Variants in FBN2 observed in about 807,000 individuals in gnomAD.
The protein encoded by FBN2 is fibrillin-2.
In FBN2, 105 loss-of-function variants were observed where a neutral mutation model predicts 355.6. The observed-to-expected ratio is 0.30, with a 90% CI of 0.25 to 0.35. The LOEUF is 0.35. Among genes scored for constraint, FBN2 ranks in the 10% least tolerant of loss-of-function variants. The pLI is 1.00. For synonymous variants in FBN2, 1,350 were observed against 1,301.2 expected (o/e 1.04, Z -0.81); for missense variants, 3,280 against 3,758.7 (o/e 0.87, Z 3.33).
intron 6 of FBN2, among the ~76,000 whole-genome samples, chr5:128,453,998 C>CA (rs1173557067): frequency 2.6e-5 from 4 of 151,432 alleles, no homozygotes; most frequent in Non-Finnish European, 5.9e-5. Context: ...TTGCCCCCCC[C>CA]CCAAGTTTCT....
rs1581249148 is a variant in FBN2, at chr5:128,374,669, G to A, written c.2054C>T (p.Pro685Leu). Reference protein sequence around the residue: ...NSEGSFRCDCPPGLAVGMDGR... With the variant: ...NSEGSFRCDCLPGLAVGMDGR... ...ATCCATGCCCACAGCCAGGCCTGGG[G>A]GACAGTCACAGCGGAAGGACCCTTC... Residue 685 changes from proline to leucine, a missense_variant, in exon 15 of 65, where the codon CCC becomes CTC. Physicochemically the swap from Pro to Leu is moderately conservative, Grantham distance 98. This residue lies in a region of FBN2 where 2,284 missense variants were observed against 2,749.5 expected (regional missense o/e 0.83). Coordinates refer to ENST00000262464, the MANE Select transcript of FBN2 (RefSeq NM_001999.4). The A allele has an allele frequency of 1.9e-6, 3 of 1,613,924 alleles. No individual in the cohort carries two copies. The highest frequency in any genetic ancestry group is 1.1e-5 in the South Asian group (1 of 91,082).
intron 6 of FBN2, among the ~76,000 whole-genome samples, chr5:128,456,303 C>G (rs1254538646): frequency 6.6e-6 from 1 of 152,100 alleles, no homozygotes; most frequent in Non-Finnish European, 1.5e-5. Flanking sequence ...TCTCCCTGGG[C>G]CTGAGCCCCT....
chr5:128,317,710 ACTT>A (rs1183710788), intron 36 of FBN2, among the ~76,000 whole-genome samples: 5 of 151,968 alleles, frequency 3.3e-5, no homozygotes, highest in Non-Finnish European at 7.4e-5. Flanking sequence ...TCACCTTCCA[ACTT>A]CTTCTGCTCC....
intron 5 of FBN2, among the ~76,000 whole-genome samples, chr5:128,514,152 A>G (rs952552519): frequency 6.6e-6 from 1 of 152,146 alleles, no homozygotes; most frequent in Non-Finnish European, 1.5e-5. Flanking sequence ...AAAGGGAGAC[A>G]TTTTATTTCT....
intron 4 of FBN2, among the ~76,000 whole-genome samples, chr5:128,527,493 G>C (rs977126861): frequency 1.3e-5 from 2 of 152,010 alleles, no homozygotes. Flanking sequence ...GAACTGGAGA[G>C]GGAAGGAAGA....
intron 5 of FBN2, among the ~76,000 whole-genome samples, chr5:128,502,146 A>G (rs1433067381): frequency 1.3e-5 from 2 of 151,880 alleles, no homozygotes; most frequent in African/African-American, 4.8e-5. Flanking sequence ...CCAGAAAACA[A>G]TTGGATCCTA....
intron 20 of FBN2, among the ~76,000 whole-genome samples, chr5:128,356,697 T>A (rs1751512802): frequency 6.6e-6 from 1 of 152,264 alleles, no homozygotes; most frequent in Admixed American, 6.5e-5. Context: ...GAACTGACTT[T>A]AAATGTTTTG....
chr5:128,482,246 G>A (rs1412111178), intron 5 of FBN2, among the ~76,000 whole-genome samples: 1 of 152,054 alleles, frequency 6.6e-6, no homozygotes, highest in African/African-American at 2.4e-5. Flanking sequence ...CTTTGTCTGA[G>A]TCTTGGTGGG....
chr5:128,493,116 G>T (rs1285431614), intron 5 of FBN2, among the ~76,000 whole-genome samples: 1 of 152,060 alleles, frequency 6.6e-6, no homozygotes, highest in Non-Finnish European at 1.5e-5. Context: ...AGTCTGTTAA[G>T]GCAAGAACAG....
At chr5:128,339,134 A>G in intron 25 of FBN2, 73 bp from the exon 26 acceptor site, 1 of 1,519,074 alleles carries the variant, frequency 6.6e-7, no homozygotes, top group Non-Finnish European at 9.1e-7. Flanking sequence ...AAGGTGCTGC[A>G]TGCTTGAAAA....
At chr5:128,306,336 T>C (rs1241795468) in intron 42 of FBN2, among the ~76,000 whole-genome samples, 2 of 152,154 alleles carry the variant, frequency 1.3e-5, no homozygotes, top group African/African-American at 2.4e-5. Flanking sequence ...TTATATTGCT[T>C]AGGCCAGGTG....
In FBN2 at chr5:128,413,130, A is replaced by G. The variant is rs77750872; in HGVS notation, c.953-4331T>C. ...AACCAGTAAAAATTCTAATCTACAGAGCTAAAAATTTGGGTATGAAACTTA... is the reference window on the plus strand; with the variant it reads ...AACCAGTAAAAATTCTAATCTACAGGGCTAAAAATTTGGGTATGAAACTTA... On this transcript the variant is annotated intron_variant, in intron 7 of 64. Transcript: ENST00000262464. 5.1e-4 allele frequency among the ~76,000 whole-genome samples: 78 copies of G among 152,332 alleles called. 1 individual carries two copies. The East Asian group carries it at 0.012, about 24-fold the overall frequency.
In FBN2 at chr5:128,365,751, T is replaced by C. The variant is rs142213492; in HGVS notation, c.2302+626A>G. 7.1e-3 allele frequency among the ~76,000 whole-genome samples: 1,073 copies of C among 150,980 alleles called. 22 individuals are homozygous for C. Among genetic ancestry groups the C allele is most frequent in the African/African-American group, 0.025 (1,015 of 41,320 alleles). On this transcript the variant is annotated intron_variant, in intron 17 of 64. Transcript: ENST00000262464. ...ATAACACCCAAGTTTTATTTATGTA[T>C]AAATGAATCTATATGTATATTAAAA... is the stretch of plus-strand genomic sequence containing the variant.
intron 15 of FBN2, among the ~76,000 whole-genome samples, chr5:128,372,467 A>T (rs1014553202): frequency 2.0e-5 from 3 of 152,110 alleles, no homozygotes; most frequent in Admixed American, 2.0e-4. Flanking sequence ...TTATCCTAAT[A>T]GTTTTTCATA....
At chr5:128,349,216 T>TC in intron 23 of FBN2, 131 bp downstream of exon 23, 1 of 1,019,852 alleles carries the variant, frequency 9.8e-7, no homozygotes, top group Non-Finnish European at 1.5e-6. Flanking sequence ...TCTAGTGATT[T>TC]CCCCCTAAAT....
rs769005512 is a variant in FBN2, at chr5:128,338,991, A to G, written c.3414T>C (p.Phe1138=). The change falls in exon 26 of 65, where the codon TTT becomes TTC. Residue 1138 remains phenylalanine, a synonymous_variant. Coordinates refer to ENST00000262464, the MANE Select transcript of FBN2 (RefSeq NM_001999.4). ...SGICVNTPGS[F]ECECFEGYES... ...CATAGCCTTCGAAGCACTCGCACTC[A>G]AAGCTGCCCGGTGTATTGACGCAGA... 9.4e-5 allele frequency: 152 copies of G among 1,614,004 alleles called. No homozygotes were observed. In the Admixed American group the frequency reaches 2.4e-3, roughly 26 times the overall value.
intron 48 of FBN2, among the ~76,000 whole-genome samples, chr5:128,296,239 CA>C (rs1400680863): frequency 7.3e-5 from 11 of 150,796 alleles, no homozygotes; most frequent in Admixed American, 7.3e-4. Context: ...TTTGGTTTGC[CA>C]GTATTTTATT....
At chr5:128,366,264 T>C in intron 17 of FBN2, 113 bp downstream of exon 17, 1 of 547,244 alleles carries the variant, frequency 1.8e-6, no homozygotes, top group Non-Finnish European at 3.2e-6. Flanking sequence ...ATTAATCTTA[T>C]TATTTTATAA....
In FBN2 at chr5:128,274,691, TAG is replaced by T; in HGVS notation, c.7595-10_7595-9del. 6.5e-7 allele frequency: 1 copy of T among 1,533,970 alleles called. No homozygotes were observed. Among genetic ancestry groups the T allele is most frequent in the African/African-American group, 1.4e-5 (1 of 73,364 alleles). ...TTTGACATTCATCAAGGTCTGAAAT[TAG>T]AGAGAAGCCAGTGAAAATCACAGTA... On this transcript the variant is annotated splice_polypyrimidine_tract_variant and intron_variant, in intron 59 of 64. Transcript: ENST00000262464.
Sources: allele counts gnomAD v4.1 joint callset (sites outside exome capture counted in the v4.1 genomes callset), GRCh38; gene constraint gnomAD v4.1.1; regional missense constraint gnomAD v4.1.1; transcripts MANE v1.5; gene names NCBI Gene and HGNC (gene_info 2026-07-23, HGNC 2026-07-21).